The following NAV2 variants were observed in gnomAD, a reference collection of about 807,000 sequenced individuals.
NAV2 encodes neuron navigator 2.
In NAV2, 54 loss-of-function variants were observed where a neutral mutation model predicts 223.2. That is an observed-to-expected ratio of 0.24 (90% confidence interval 0.19 to 0.30). The LOEUF (loss-of-function observed/expected upper bound fraction) is 0.30. Among genes scored for constraint, NAV2 ranks in the 10% least tolerant of loss-of-function variants. The probability of loss-of-function intolerance (pLI) is 1.00; values close to 1 mark genes in which losing one functional copy is unlikely to be tolerated. For missense variants in NAV2, 2,806 were observed against 3,147.5 expected (o/e 0.89, Z 2.60); for synonymous variants, 1,279 against 1,239.3 (o/e 1.03, Z -0.67).
intron 11 of NAV2, chr11:20,027,159 A>C (rs1380460754): frequency 1.6e-6 from 1 of 626,348 alleles, no homozygotes; most frequent in African/African-American, 2.0e-5. Context: ...GCTCCCGAGA[A>C]AACCTCCTGG....
At chr11:19,654,539 C>T (rs2048063193) in intron 1 of NAV2, among the ~76,000 whole-genome samples, 1 of 152,170 alleles carries the variant, frequency 6.6e-6, no homozygotes, top group Admixed American at 6.5e-5. Context: ...GGTACCAAAA[C>T]AGAGTTATAG....
rs61877297 is a variant in NAV2 at position 19,907,528 on chromosome 11, G to A, written c.931+14934G>A. ...AAATTCCCCCACTGCCACTCATAGGGGGAGGGGGAATTTGAGACAGAAGTA... is the reference window on the plus strand; with the variant it reads ...AAATTCCCCCACTGCCACTCATAGGAGGAGGGGGAATTTGAGACAGAAGTA... On this transcript the variant is annotated intron_variant, in intron 6 of 37. Transcript: ENST00000349880. 9.8e-4 allele frequency among the ~76,000 whole-genome samples: 25 copies of A among 25,522 alleles called. 1 individual carries two copies. Among genetic ancestry groups the A allele is most frequent in the Middle Eastern group, 0.021 (1 of 48 alleles). 16.7% of individuals were successfully genotyped at this position (25,522 alleles called of 152,430 possible).
chr11:19,853,790 A>G (rs1470374310), intron 3 of NAV2, among the ~76,000 whole-genome samples: 1 of 151,550 alleles, frequency 6.6e-6, no homozygotes, highest in African/African-American at 2.4e-5. Flanking sequence ...CTGGGGTGAT[A>G]ATTCTTTAGG....
intron 1 of NAV2, among the ~76,000 whole-genome samples, chr11:19,653,469 C>A (rs1259059928): frequency 6.6e-6 from 1 of 152,074 alleles, no homozygotes; most frequent in African/African-American, 2.4e-5. Context: ...CTCACTGTAC[C>A]CAGAGAGTTG....
intron 1 of NAV2, among the ~76,000 whole-genome samples, chr11:19,718,792 G>C (rs1256255062): frequency 6.6e-6 from 1 of 152,094 alleles, no homozygotes; most frequent in Non-Finnish European, 1.5e-5. Flanking sequence ...AACATTACAT[G>C]TGTATATATC....
chr11:19,832,692 A>G, intron 2 of NAV2, 91 bp downstream of exon 2: 1 of 985,830 alleles, frequency 1.0e-6, no homozygotes. Context: ...GAAATCTCTC[A>G]GAAGGCAGCT....
chr11:20,101,818 G>A (rs577978793), intron 32 of NAV2, among the ~76,000 whole-genome samples: 2 of 152,220 alleles, frequency 1.3e-5, no homozygotes, highest in South Asian at 2.1e-4. Flanking sequence ...GGTCCCAGCC[G>A]AGAGTTGGAA....
In NAV2 at chr11:20,106,175, A is replaced by ATATATG. The variant is rs11267537; in HGVS notation, c.6841+449_6841+450insATATGT. On this transcript the variant is annotated intron_variant, in intron 35 of 37. Coordinates refer to ENST00000349880, the MANE Select transcript of NAV2 (RefSeq NM_145117.5). Reference sequence around the variant, plus strand: ...TGTGTGTATATATATATATATATATATGTGTGTGTATATATATATATATAT... The same window carrying ATATATG: ...TGTGTGTATATATATATATATATATATATATGTGTGTGTGTATATATATATATATAT... Among the ~76,000 whole-genome samples, 84 of 35,822 alleles carry ATATATG rather than the reference A, an allele frequency of 2.3e-3. 13 individuals carry two copies. The highest frequency in any genetic ancestry group is 8.6e-3 in the South Asian group (7 of 816). 23.5% of individuals were successfully genotyped at this position (35,822 alleles called of 152,430 possible).
At chr11:19,445,503 G>A (rs1309768436) in intron 1 of NAV2, among the ~76,000 whole-genome samples, 2 of 152,202 alleles carry the variant, frequency 1.3e-5, no homozygotes, top group Admixed American at 6.5e-5. Context: ...TAAGGAAGCT[G>A]ATACAAGGTA....
chr11:19,959,483 C>T (rs1022149417), intron 10 of NAV2, among the ~76,000 whole-genome samples: 1 of 152,156 alleles, frequency 6.6e-6, no homozygotes, highest in Admixed American at 6.5e-5. Flanking sequence ...CCACTGTGCT[C>T]ATCTGCAAAT....
Position 19,738,284 on chromosome 11 carries a change from G to T in NAV2, c.267+24322G>T, listed in dbSNP as rs1448253460. On this transcript the variant is annotated intron_variant, in intron 1 of 37. Transcript: ENST00000349880. ...CCAGCTATGCTTTCCCTGCCACATG[G>T]CAACAGCCCAGGCAGGGCAGGGGCC... 2.6e-5 allele frequency among the ~76,000 whole-genome samples: 4 copies of T among 152,218 alleles called. No homozygotes were observed. In the East Asian group the frequency reaches 7.7e-4, roughly 29 times the overall value.
rs530517101 is a variant in NAV2, at chr11:19,614,025, C to A, written c.76-218459C>A. Among the ~76,000 whole-genome samples the A allele has an allele frequency of 2.8e-4, 43 of 152,174 alleles. 1 individual carries two copies. The highest frequency in any genetic ancestry group is 2.6e-3 in the Admixed American group (40 of 15,286). Reference sequence around the variant, plus strand: ...CCTGATAATAGGGCTGAAGGGTGAGCTTCCTTCCTTCAGGGCCCCTTTCAT... The same window carrying A: ...CCTGATAATAGGGCTGAAGGGTGAGATTCCTTCCTTCAGGGCCCCTTTCAT... On this transcript the variant is annotated intron_variant, in intron 1 of 37. Transcript: ENST00000360655.
At chr11:19,768,307 C>T (rs1182454670) in intron 1 of NAV2, among the ~76,000 whole-genome samples, 1 of 152,112 alleles carries the variant, frequency 6.6e-6, no homozygotes, top group African/African-American at 2.4e-5. Flanking sequence ...CCTCTGGGGG[C>T]TTCTCATCCC....
chr11:19,988,850 T>G (rs1470005912), intron 11 of NAV2, among the ~76,000 whole-genome samples: 2 of 152,138 alleles, frequency 1.3e-5, no homozygotes, highest in Non-Finnish European at 2.9e-5. Flanking sequence ...GCTTTGTGAT[T>G]CATATGGAAC....
chr11:19,390,244 A>G (rs530347758), intron 1 of NAV2, among the ~76,000 whole-genome samples: 1 of 151,790 alleles, frequency 6.6e-6, no homozygotes, highest in Non-Finnish European at 1.5e-5. Context: ...CTTGTTTTCT[A>G]TACCCTCTCT....
rs187329821 is a variant in NAV2, at chr11:19,417,065, G to A, written c.75+66038G>A. 3.0e-3 allele frequency among the ~76,000 whole-genome samples: 456 copies of A among 152,314 alleles called. 2 individuals are homozygous for A. Among genetic ancestry groups the A allele is most frequent in the Non-Finnish European group, 5.1e-3 (345 of 68,032 alleles). On this transcript the variant is annotated intron_variant, in intron 1 of 37. Coordinates refer to the NAV2 transcript ENST00000360655. ...AGACTTCATGACTAAAACAGCAAAA[G>A]CAATGGCAAGAAAAGCCACAATTGA... is the stretch of plus-strand genomic sequence containing the variant.
intron 1 of NAV2, among the ~76,000 whole-genome samples, chr11:19,476,971 A>G (rs2042135504): frequency 6.6e-6 from 1 of 152,040 alleles, no homozygotes; most frequent in African/African-American, 2.4e-5. Flanking sequence ...TGGCCCCCTC[A>G]GGTGTCAGGT....
chr11:19,913,727 C>A (rs1325991337), intron 6 of NAV2, among the ~76,000 whole-genome samples: 3 of 151,316 alleles, frequency 2.0e-5, no homozygotes, highest in African/African-American at 7.3e-5. Flanking sequence ...AGCAATCACG[C>A]ACTCTGGGCC....
At chr11:19,547,525 ACG>A in intron 1 of NAV2, among the ~76,000 whole-genome samples, 1 of 151,900 alleles carries the variant, frequency 6.6e-6, no homozygotes, top group Non-Finnish European at 1.5e-5. Context: ...GTACATCCTC[ACG>A]CTGCACACTG....
Sources: allele counts gnomAD v4.1 joint callset (sites outside exome capture counted in the v4.1 genomes callset), GRCh38; gene constraint gnomAD v4.1.1; transcripts MANE v1.5; gene names NCBI Gene and HGNC (gene_info 2026-07-23, HGNC 2026-07-21).